Variants in PRKCA observed in about 807,000 individuals in gnomAD.
PRKCA encodes protein kinase C alpha type.
In PRKCA, 27 loss-of-function variants were observed where a neutral mutation model predicts 87.0. The ratio of observed to expected loss-of-function variants is 0.31; its 90% CI spans 0.23 to 0.43. PRKCA has a LOEUF of 0.43. Ranked by LOEUF, PRKCA falls within the 20% of genes least tolerant of loss-of-function variation. The pLI is 1.00. For missense variants in PRKCA, 518 were observed against 852.3 expected, an observed-to-expected ratio of 0.61 and a Z score of 4.88; for synonymous variants, 329 against 311.1, an observed-to-expected ratio of 1.06 and a Z score of -0.61.
At chr17:66,325,504 T>G (rs1905926242) in intron 2 of PRKCA, among the ~76,000 whole-genome samples, 2 of 152,160 alleles carry the variant, frequency 1.3e-5, no homozygotes, top group Admixed American at 6.5e-5. Context: ...AGGAGTAGAC[T>G]TGTGTTTGAC....
intron 2 of PRKCA, among the ~76,000 whole-genome samples, chr17:66,463,053 C>T (rs951561457): frequency 1.3e-5 from 2 of 152,010 alleles, no homozygotes; most frequent in South Asian, 2.1e-4. Context: ...TTGGCTTACC[C>T]GGCCTGGAGC....
intron 3 of PRKCA, among the ~76,000 whole-genome samples, chr17:66,509,609 A>G (rs1452774647): frequency 6.6e-6 from 1 of 152,180 alleles, no homozygotes; most frequent in Non-Finnish European, 1.5e-5. Context: ...CAACCTCCCG[A>G]TCTAAATGTT....
At position 66,592,343 on chromosome 17, in the gene PRKCA, C is replaced by CAAAAAAAAAAAAA. The variant is rs71160581; in HGVS notation, c.289-49006_289-48994dup. On this transcript the variant is annotated intron_variant, in intron 3 of 16. Coordinates refer to ENST00000413366, the MANE Select transcript of PRKCA (RefSeq NM_002737.3). ...GCACTCCAGTCTGGGTGATCCGTCT[C>CAAAAAAAAAAAAA]AAAAAAAAAAAAAAAAAAGTTACCA... Among the ~76,000 whole-genome samples the CAAAAAAAAAAAAA allele has an allele frequency of 3.8e-3, 316 of 82,234 alleles. 23 individuals carry two copies. Among genetic ancestry groups the CAAAAAAAAAAAAA allele is most frequent in the South Asian group, 7.1e-3 (16 of 2,244 alleles). 53.9% of individuals were successfully genotyped at this position (82,234 alleles called of 152,430 possible). A position where few individuals can be genotyped will look rare whatever the true frequency, so the allele number is the denominator to read the frequency against.
At chr17:66,395,989 C>T (rs74651643) in intron 2 of PRKCA, among the ~76,000 whole-genome samples, 6,653 of 151,884 alleles carry the variant, frequency 0.044, 327 homozygotes, top group African/African-American at 0.12. Context: ...GAAAGTCTCC[C>T]ACTAGGGAAA....
intron 2 of PRKCA, among the ~76,000 whole-genome samples, chr17:66,372,065 G>A (rs1909144748): frequency 6.6e-6 from 1 of 152,140 alleles, no homozygotes; most frequent in African/African-American, 2.4e-5. Context: ...AATTACTTAT[G>A]GATGATATGA....
intron 5 of PRKCA, among the ~76,000 whole-genome samples, chr17:66,669,358 A>G (rs1052048303): frequency 2.0e-5 from 3 of 152,170 alleles, no homozygotes; most frequent in African/African-American, 7.2e-5. Context: ...GCTGTGCAAG[A>G]ATCCTGGGAA....
rs550703729 is a variant in PRKCA at position 66,750,787 on chromosome 17, G to A, written c.1524+8027G>A. On this transcript the variant is annotated intron_variant, in intron 13 of 16. Coordinates refer to ENST00000413366, the MANE Select transcript of PRKCA (RefSeq NM_002737.3). ...CTAAGTCAATTCTAATTCCTGGATGGTGAAACTGAGGCACAGAGATTTGTT... is the reference window on the plus strand; with the variant it reads ...CTAAGTCAATTCTAATTCCTGGATGATGAAACTGAGGCACAGAGATTTGTT... Among the ~76,000 whole-genome samples the A allele has an allele frequency of 2.0e-5, 3 of 152,302 alleles. No individual in the cohort carries two copies. In the South Asian group the frequency reaches 6.2e-4, roughly 32 times the overall value.
intron 2 of PRKCA, among the ~76,000 whole-genome samples, chr17:66,424,484 T>C (rs1912671575): frequency 6.6e-6 from 1 of 151,468 alleles, no homozygotes. Flanking sequence ...TGAGAATTGC[T>C]TGAACCCAGG....
At chr17:66,444,515 G>A (rs372922524) in intron 2 of PRKCA, among the ~76,000 whole-genome samples, 35 of 152,298 alleles carry the variant, frequency 2.3e-4, no homozygotes, top group African/African-American at 7.5e-4. Context: ...TAAGGCATAT[G>A]AGGGCTCAGG....
intron 2 of PRKCA, among the ~76,000 whole-genome samples, chr17:66,486,308 G>A (rs963931407): frequency 6.6e-6 from 1 of 152,144 alleles, no homozygotes; most frequent in African/African-American, 2.4e-5. Flanking sequence ...TTTCATTGTA[G>A]TTCTGAGTTG....
intron 3 of PRKCA, among the ~76,000 whole-genome samples, chr17:66,633,948 G>A (rs1197780649): frequency 6.6e-6 from 1 of 152,190 alleles, no homozygotes; most frequent in African/African-American, 2.4e-5. Flanking sequence ...GGTGGCTGTA[G>A]ACACAAGAAT....
chr17:66,340,297 G>C (rs1409153914), intron 2 of PRKCA, among the ~76,000 whole-genome samples: 1 of 151,832 alleles, frequency 6.6e-6, no homozygotes. Flanking sequence ...CTAGGTTTTG[G>C]GTGGACGACT....
intron 8 of PRKCA, among the ~76,000 whole-genome samples, chr17:66,715,059 A>G (rs1412412761): frequency 6.6e-6 from 1 of 152,080 alleles, no homozygotes; most frequent in African/African-American, 2.4e-5. Context: ...GAGACATTTT[A>G]TAAAAATTTT....
chr17:66,505,256 T>C (rs940735122), intron 3 of PRKCA, among the ~76,000 whole-genome samples: 1 of 152,006 alleles, frequency 6.6e-6, no homozygotes, highest in African/African-American at 2.4e-5. Context: ...CATCCGTAGT[T>C]CTGATGAGCA....
At position 66,305,808 on chromosome 17, in the gene PRKCA, A is replaced by G. The variant is rs573197018; in HGVS notation, c.174-288A>G. 7.9e-5 allele frequency among the ~76,000 whole-genome samples: 12 copies of G among 152,340 alleles called. No homozygotes were observed. The East Asian group carries it at 2.3e-3, about 29-fold the overall frequency. On this transcript the variant is annotated intron_variant, in intron 1 of 16. Coordinates refer to ENST00000413366, the MANE Select transcript of PRKCA (RefSeq NM_002737.3). ...AGCCAACAAGTTTGAATATACAGTC[A>G]TGTTCTTGTCTTGAAATTTTAGTAT...
At chr17:66,736,747 GA>G (rs1465836341) in intron 10 of PRKCA, among the ~76,000 whole-genome samples, 1 of 152,138 alleles carries the variant, frequency 6.6e-6, no homozygotes, top group East Asian at 1.9e-4. Flanking sequence ...TCACAACAAG[GA>G]AATCCAAAGA....
Position 66,741,684 on chromosome 17 carries a change from G to A in PRKCA, c.1348G>A (p.Gly450Arg). 1.9e-6 allele frequency: 3 copies of A among 1,614,136 alleles called. No homozygotes were observed. The highest frequency in any genetic ancestry group is 2.5e-6 in the Non-Finnish European group (3 of 1,180,020). Residue 450 changes from glycine to arginine, a missense_variant, in exon 12 of 17, where the codon GGA becomes AGA. By Grantham distance (125) the Gly-to-Arg change is moderately radical. Transcript: ENST00000413366. ...AVFYAAEISI[G>R]LFFLHKRGII... Reference sequence around the variant, plus strand: ...ATTCTATGCGGCAGAGATTTCCATCGGATTGTTCTTTCTTCATAAAAGAGG... The same window carrying A: ...ATTCTATGCGGCAGAGATTTCCATCAGATTGTTCTTTCTTCATAAAAGAGG...
chr17:66,435,282 C>A (rs911399232), intron 2 of PRKCA, among the ~76,000 whole-genome samples: 4 of 152,198 alleles, frequency 2.6e-5, no homozygotes, highest in Admixed American at 2.0e-4. Flanking sequence ...ATCACAGTAC[C>A]TTGCTAGACC....
intron 2 of PRKCA, among the ~76,000 whole-genome samples, chr17:66,437,181 A>G (rs1327631695): frequency 6.6e-6 from 1 of 152,224 alleles, no homozygotes; most frequent in Non-Finnish European, 1.5e-5. Context: ...AGTTGGCAGC[A>G]TGGGGAACAC....
Sources: gnomAD v4.1 joint callset for allele counts (sites outside exome capture counted in the v4.1 genomes callset) on GRCh38, gnomAD v4.1.1 for gene constraint, MANE v1.5 for transcripts, NCBI Gene and HGNC (gene_info 2026-07-23, HGNC 2026-07-21) for gene names.